Variants in SHPK observed in about 807,000 individuals in gnomAD.
The protein encoded by SHPK is carbohydrate kinase-like protein.
In SHPK, 51 loss-of-function variants were observed where a neutral mutation model predicts 46.3. The observed-to-expected ratio is 1.10, with a 90% CI of 0.88 to 1.39. SHPK has a LOEUF of 1.39. Ranked by LOEUF, SHPK falls within the 40% of genes most tolerant of loss-of-function variation. SHPK has a pLI of 0.00. For synonymous variants in SHPK, 290 were observed against 273.9 expected, an observed-to-expected ratio of 1.06 and a Z score of -0.58; for missense variants, 668 against 641.3, an observed-to-expected ratio of 1.04 and a Z score of -0.45.
chr17:3,610,823 CGGA>C lies in SHPK; in HGVS notation c.1171_1173del (p.Ser391del). 1 of 1,614,102 alleles carries C rather than the reference CGGA, an allele frequency of 6.2e-7. No homozygotes were observed. The highest frequency in any genetic ancestry group is 8.5e-7 in the Non-Finnish European group (1 of 1,180,002). ...CGGGTCACGTGCCCCAGGGAGAGGTCGGAGGAGGAGATTCTGGTCACTGAGGCC... is the reference window on the plus strand; with the variant it reads ...CGGGTCACGTGCCCCAGGGAGAGGTCGGAGGAGATTCTGGTCACTGAGGCC... On this transcript the variant is annotated inframe_deletion, in exon 7 of 7. Transcript: ENST00000225519.
intron 2 of SHPK, 87 bp from the exon 3 acceptor site, chr17:3,624,318 C>T: frequency 1.6e-6 from 2 of 1,240,522 alleles, no homozygotes; most frequent in East Asian, 2.4e-5. Context: ...TGGTGAGTGA[C>T]AAAATATGTG....
At chr17:3,635,245 G>GGAAGGAAGGAA (rs1396560806) in intron 1 of SHPK, among the ~76,000 whole-genome samples, 6 of 35,140 alleles carry the variant, frequency 1.7e-4, no homozygotes, top group Admixed American at 8.8e-4. Flanking sequence ...AAGGAAGGAA[G>GGAAGGAAGGAA]GGAAGGAAGG....
chr17:3,618,452 A>T (rs2075380503), intron 5 of SHPK, among the ~76,000 whole-genome samples: 1 of 152,092 alleles, frequency 6.6e-6, no homozygotes, highest in African/African-American at 2.4e-5. Flanking sequence ...CCAACATTCA[A>T]TCCTTTTTTA....
At chr17:3,623,224 G>C in intron 4 of SHPK, 115 bp downstream of exon 4, 4 of 1,180,424 alleles carry the variant, frequency 3.4e-6, no homozygotes, top group Non-Finnish European at 4.9e-6. Flanking sequence ...CCTGATCCTG[G>C]CCTCTGGGAA....
At chr17:3,634,871 C>G (rs1420872242) in intron 1 of SHPK, among the ~76,000 whole-genome samples, 1 of 152,018 alleles carries the variant, frequency 6.6e-6, no homozygotes, top group Non-Finnish European at 1.5e-5. Context: ...GTGGCAAGAG[C>G]TTGTGAAAAA....
At position 3,614,317 on chromosome 17, in the gene SHPK, G is replaced by A. The variant is rs374133176; in HGVS notation, c.1024+1020C>T. On this transcript the variant is annotated intron_variant, in intron 6 of 6. Transcript: ENST00000225519. Reference sequence around the variant, plus strand: ...AGGCAGGTGGATCACAAGGTCAGGAGATTGAGACCATCCTGGCTAACACGG... The same window carrying A: ...AGGCAGGTGGATCACAAGGTCAGGAAATTGAGACCATCCTGGCTAACACGG... 2.6e-5 allele frequency among the ~76,000 whole-genome samples: 4 copies of A among 151,950 alleles called. No individual in the cohort carries two copies. The South Asian group carries it at 6.3e-4, about 24-fold the overall frequency.
intron 5 of SHPK, among the ~76,000 whole-genome samples, chr17:3,617,868 G>A (rs2075377975): frequency 6.6e-6 from 1 of 152,160 alleles, no homozygotes; most frequent in South Asian, 2.1e-4. Flanking sequence ...CAGGCTCTCA[G>A]ATTAACCAGA....
chr17:3,614,381 T>C (rs1166864708), intron 6 of SHPK, among the ~76,000 whole-genome samples: 1 of 151,418 alleles, frequency 6.6e-6, no homozygotes, highest in Non-Finnish European at 1.5e-5. Flanking sequence ...AAAAATTAGC[T>C]GGGTGTGGTG....
At chr17:3,628,600 C>G (rs956278532) in intron 2 of SHPK, among the ~76,000 whole-genome samples, 1 of 151,972 alleles carries the variant, frequency 6.6e-6, no homozygotes, top group South Asian at 2.1e-4. Context: ...GGATTACAGG[C>G]GTGAGCCATT....
intron 2 of SHPK, among the ~76,000 whole-genome samples, chr17:3,624,593 T>C (rs2075421988): frequency 6.6e-6 from 1 of 152,194 alleles, no homozygotes; most frequent in Admixed American, 6.5e-5. Flanking sequence ...TACTGCTACT[T>C]GATTACCAGT....
In SHPK at chr17:3,612,648, T is replaced by A. The variant is rs8082676; in HGVS notation, c.1025-1676A>T. On this transcript the variant is annotated intron_variant, in intron 6 of 6. Coordinates refer to ENST00000225519, the MANE Select transcript of SHPK (RefSeq NM_013276.4). ...GGCTGGAATTTGTAAACACTTGCAGTTGATTCTTATACACAGCCACGCTGG... is the reference window on the plus strand; with the variant it reads ...GGCTGGAATTTGTAAACACTTGCAGATGATTCTTATACACAGCCACGCTGG... Among the ~76,000 whole-genome samples the A allele has an allele frequency of 6.7e-4, 102 of 152,108 alleles. 1 individual carries two copies. The East Asian group carries it at 0.018, about 27-fold the overall frequency.
intron 5 of SHPK, among the ~76,000 whole-genome samples, chr17:3,616,770 G>T (rs752841025): frequency 6.6e-6 from 1 of 152,064 alleles, no homozygotes; most frequent in Non-Finnish European, 1.5e-5. Flanking sequence ...ACAGAGTTTT[G>T]CTCTGTCACC....
intron 1 of SHPK, among the ~76,000 whole-genome samples, chr17:3,633,927 A>G (rs959628905): frequency 6.6e-6 from 1 of 151,036 alleles, no homozygotes; most frequent in Admixed American, 6.6e-5. Flanking sequence ...GTACTAAGAA[A>G]AATTCTTCTG....
rs1291137091 is a variant in SHPK at position 3,615,364 on chromosome 17, T to C, written c.997A>G (p.Met333Val). Residue 333 changes from methionine to valine, a missense_variant, in exon 6 of 7, where the codon ATG becomes GTG. By Grantham distance (21) the Met-to-Val change is conservative. Coordinates refer to ENST00000225519, the MANE Select transcript of SHPK (RefSeq NM_013276.4). ...AGATCTGCCATCCACTGAACCAGCA[T>C]GTGGACGAACGTGGCCAGCACATTG... ...GGNVLATFVH[M>V]LVQWMADLGL... The C allele has an allele frequency of 4.3e-6, 7 of 1,614,190 alleles. No homozygotes were observed. Among genetic ancestry groups the C allele is most frequent in the South Asian group, 1.1e-5 (1 of 91,090 alleles).
At position 3,621,926 on chromosome 17, in the gene SHPK, T is replaced by A. The variant is rs569386118; in HGVS notation, c.648-514A>T. ...CTTCAGCCTCCCAAAGTGCTGGGATTACAGGCGCGACCCACCACACCCGGC... is the reference window on the plus strand; with the variant it reads ...CTTCAGCCTCCCAAAGTGCTGGGATAACAGGCGCGACCCACCACACCCGGC... On this transcript the variant is annotated intron_variant, in intron 4 of 6. Transcript: ENST00000225519. Among the ~76,000 whole-genome samples the A allele has an allele frequency of 3.9e-5, 6 of 151,968 alleles. No homozygotes were observed. In the South Asian group the frequency reaches 1.2e-3, roughly 32 times the overall value.
At chr17:3,611,784 C>T (rs1425809721) in intron 6 of SHPK, among the ~76,000 whole-genome samples, 4 of 149,170 alleles carry the variant, frequency 2.7e-5, no homozygotes, top group Non-Finnish European at 4.4e-5. Flanking sequence ...CCTGACACCA[C>T]GTTAGCTCTG....
At chr17:3,635,650 C>T (rs549788017) in intron 1 of SHPK, among the ~76,000 whole-genome samples, 1 of 152,360 alleles carries the variant, frequency 6.6e-6, no homozygotes, top group Non-Finnish European at 1.5e-5. Flanking sequence ...GGGCAACAAA[C>T]TGAATCCTGA....
chr17:3,616,923 G>C (rs867187188), intron 5 of SHPK, among the ~76,000 whole-genome samples: 1 of 152,218 alleles, frequency 6.6e-6, no homozygotes, highest in East Asian at 1.9e-4. Context: ...ATTTTTATTA[G>C]AGGTGGGGTT....
At chr17:3,616,323 T>A (rs1268860971) in intron 5 of SHPK, among the ~76,000 whole-genome samples, 1 of 152,136 alleles carries the variant, frequency 6.6e-6, no homozygotes, top group Non-Finnish European at 1.5e-5. Flanking sequence ...GTCTTGTGGA[T>A]CACTTGCTCT....
Sources: gnomAD v4.1 joint callset for allele counts (sites outside exome capture counted in the v4.1 genomes callset) on GRCh38, gnomAD v4.1.1 for gene constraint, MANE v1.5 for transcripts, NCBI Gene and HGNC (gene_info 2026-07-23, HGNC 2026-07-21) for gene names.